The following EIF3E variants were observed in gnomAD, a reference collection of about 807,000 sequenced individuals.
The protein encoded by EIF3E is eukaryotic translation initiation factor 3 subunit E, also known as eIF-3 p48.
Under a neutral mutation model 59.3 loss-of-function variants are expected in EIF3E, and 25 were observed. The observed-to-expected ratio is 0.42, with a 90% confidence interval of 0.31 to 0.59. The LOEUF is 0.59. Ranked by LOEUF, EIF3E falls within the 20% of genes least tolerant of loss-of-function variation. The probability of loss-of-function intolerance (pLI) is 0.15; values close to 1 mark genes in which losing one functional copy is unlikely to be tolerated. For missense variants in EIF3E, 317 were observed against 534.3 expected, an observed-to-expected ratio of 0.59 and a Z score of 4.01; for synonymous variants, 176 against 170.2, an observed-to-expected ratio of 1.03 and a Z score of -0.26.
chr8:108,203,317 GA>G lies in EIF3E; in HGVS notation c.1164+83del, dbSNP rs1405924993. 1.1e-5 allele frequency: 15 copies of G among 1,331,720 alleles called. No homozygotes were observed. In the African/African-American group the frequency reaches 2.2e-4, roughly 20 times the overall value. The allele number at this position is 1,331,720 out of a possible 1,614,324, so 82.5% of individuals were successfully genotyped here. A position where few individuals can be genotyped will look rare whatever the true frequency, so the allele number is the denominator to read the frequency against. On this transcript the variant is annotated intron_variant, in intron 11 of 12. Transcript: ENST00000220849. ...ATTAAAACAAAATAAATTATTAAAGGAGGTAATAAAATGTCCTAGTTAAGAA... is the reference window on the plus strand; with the variant it reads ...ATTAAAACAAAATAAATTATTAAAGGGGTAATAAAATGTCCTAGTTAAGAA...
chr8:108,241,623 G>T (rs1045999221), intron 2 of EIF3E, among the ~76,000 whole-genome samples, 176 bp downstream of exon 2: 1 of 152,148 alleles, frequency 6.6e-6, no homozygotes, highest in Non-Finnish European at 1.5e-5. Flanking sequence ...CTTTCACAGG[G>T]AGAAAACAAT....
chr8:108,241,735 T>A, intron 2 of EIF3E, 64 bp downstream of exon 2: 1 of 992,928 alleles, frequency 1.0e-6, no homozygotes, highest in Non-Finnish European at 1.5e-6. Context: ...TTATAAATCA[T>A]AAAACTTTAA....
chr8:108,229,371 T>C, intron 5 of EIF3E, 176 bp from the exon 6 acceptor site: 2 of 529,204 alleles, frequency 3.8e-6, no homozygotes. Context: ...AAACCTTTGC[T>C]AAAAATACTC....
At position 108,236,200 on chromosome 8, in the gene EIF3E, A is replaced by T; in HGVS notation, c.327T>A (p.Asp109Glu). 1 of 1,609,012 alleles carries T rather than the reference A, an allele frequency of 6.2e-7. No homozygotes were observed. The highest frequency in any genetic ancestry group is 8.5e-7 in the Non-Finnish European group (1 of 1,177,984). ...ETTRQMQSTR[D>E]GRMLFDYLAD... Reference sequence around the variant, plus strand: ...CCAGGTAGTCAAAGAGCATCCTACCATCCCTAAATAATAAAAAACAAAAAT... The same window carrying T: ...CCAGGTAGTCAAAGAGCATCCTACCTTCCCTAAATAATAAAAAACAAAAAT... Residue 109 changes from aspartate to glutamate, a missense_variant, in exon 4 of 13, where the codon GAT (aspartate) becomes GAA (glutamate). Coordinates refer to ENST00000220849, the MANE Select transcript of EIF3E (RefSeq NM_001568.3).
chr8:108,247,258 C>T (rs769921281), intron 1 of EIF3E, among the ~76,000 whole-genome samples: 4 of 152,002 alleles, frequency 2.6e-5, no homozygotes, highest in Admixed American at 6.6e-5. Flanking sequence ...TTATAAAGAA[C>T]ACAAAAATAT....
chr8:108,229,136 G>C lies in EIF3E; in HGVS notation c.531C>G (p.Ile177Met). 1.2e-6 allele frequency: 2 copies of C among 1,613,506 alleles called. No individual in the cohort carries two copies. The highest frequency in any genetic ancestry group is 1.7e-6 in the Non-Finnish European group (2 of 1,179,702). Residue 177 changes from isoleucine to methionine, a missense_variant, in exon 6 of 13, where the codon ATC (isoleucine) becomes ATG (methionine). Coordinates refer to ENST00000220849, the MANE Select transcript of EIF3E (RefSeq NM_001568.3). ...SSLWGKLASE[I>M]LMQNWDAAME... ...TGGCTGCATCCCAATTCTGCATTAAGATTTCAGAGGCCAGCTTTCCCCAGA... is the reference window on the plus strand; with the variant it reads ...TGGCTGCATCCCAATTCTGCATTAACATTTCAGAGGCCAGCTTTCCCCAGA...
At chr8:108,203,591 G>T in intron 10 of EIF3E, 88 bp from the exon 11 acceptor site, 1 of 1,008,862 alleles carries the variant, frequency 9.9e-7, no homozygotes, top group Non-Finnish European at 1.5e-6. Context: ...ACTCTGCATA[G>T]ATACTTTTTG....
At position 108,214,594 on chromosome 8, in the gene EIF3E, A is replaced by T. The variant is rs769629413; in HGVS notation, c.1061+13T>A. The T allele has an allele frequency of 2.6e-6, 4 of 1,554,896 alleles. No individual in the cohort carries two copies. The highest frequency in any genetic ancestry group is 3.5e-6 in the Non-Finnish European group (4 of 1,150,792). ...TAAAGTAGAAAATCCAAATCAAATC[A>T]CGGTGTTCTTACTTAATGCTGATAC... On this transcript the variant is annotated intron_variant, in intron 10 of 12. Coordinates refer to ENST00000220849, the MANE Select transcript of EIF3E (RefSeq NM_001568.3).
chr8:108,243,619 ACT>A (rs554306416), intron 1 of EIF3E, among the ~76,000 whole-genome samples: 347 of 128,884 alleles, frequency 2.7e-3, no homozygotes, highest in Non-Finnish European at 3.5e-3. Context: ...ACAGAGCAAG[ACT>A]CTGTCTCAAA....
At chr8:108,224,138 C>T (rs1490011048) in intron 7 of EIF3E, among the ~76,000 whole-genome samples, 3 of 150,970 alleles carry the variant, frequency 2.0e-5, no homozygotes, top group Non-Finnish European at 2.9e-5. Context: ...AGGAGAATGG[C>T]GTGAACTCGG....
At chr8:108,248,421 T>A (rs963930233) in intron 1 of EIF3E, among the ~76,000 whole-genome samples, 192 bp downstream of exon 1, 1 of 152,106 alleles carries the variant, frequency 6.6e-6, no homozygotes, top group Non-Finnish European at 1.5e-5. Flanking sequence ...TCCCTCCTCC[T>A]CACTGCCGAA....
chr8:108,243,999 A>G (rs1815895606), intron 1 of EIF3E, among the ~76,000 whole-genome samples: 1 of 152,222 alleles, frequency 6.6e-6, no homozygotes, highest in African/African-American at 2.4e-5. Flanking sequence ...TCAAATCTAC[A>G]TATGCCTCTC....
In EIF3E at chr8:108,203,007, T is replaced by C. The variant is rs772938662; in HGVS notation, c.1275A>G (p.Lys425=). The change falls in exon 12 of 13, where the codon AAA becomes AAG. Residue 425 remains lysine, a synonymous_variant. Transcript: ENST00000220849. ...CCTCTGACCTGCTATTCTGATTAAG[T>C]TTCTTCTCAATATTCATGGCCAACA... is the stretch of plus-strand genomic sequence containing the variant. ...SQMLAMNIEK[K]LNQNSRSEAP... is the part of the protein sequence containing the mutation. The C allele has an allele frequency of 1.2e-6, 2 of 1,612,464 alleles. No individual in the cohort carries two copies. Among genetic ancestry groups the C allele is most frequent in the Non-Finnish European group, 1.7e-6 (2 of 1,178,950 alleles).
chr8:108,216,532 G>A lies in EIF3E; in HGVS notation c.850-19C>T, dbSNP rs758262797. 6.5e-6 allele frequency: 10 copies of A among 1,530,698 alleles called. No individual in the cohort carries two copies. Among genetic ancestry groups the A allele is most frequent in the Middle Eastern group, 1.7e-4 (1 of 5,904 alleles). 94.8% of individuals were successfully genotyped at this position (1,530,698 alleles called of 1,614,324 possible). On this transcript the variant is annotated intron_variant, in intron 8 of 12. Transcript: ENST00000220849. ...AAGACTCCTGTAAAAATAAGTCAACGGTCAAGGTAAGTCTGATTCAACATT... is the reference window on the plus strand; with the variant it reads ...AAGACTCCTGTAAAAATAAGTCAACAGTCAAGGTAAGTCTGATTCAACATT...
At chr8:108,206,699 A>G (rs184069699) in intron 10 of EIF3E, among the ~76,000 whole-genome samples, 22 of 152,184 alleles carry the variant, frequency 1.4e-4, no homozygotes, top group Admixed American at 3.9e-4. Flanking sequence ...GATACTCGAG[A>G]GGCTAAGGTG....
At chr8:108,228,227 T>A in intron 7 of EIF3E, 40 bp downstream of exon 7, 1 of 1,530,678 alleles carries the variant, frequency 6.5e-7, no homozygotes, top group Non-Finnish European at 8.8e-7. Flanking sequence ...CATGTAATTT[T>A]ATCTAAACAA....
intron 7 of EIF3E, 97 bp downstream of exon 7, chr8:108,228,170 A>G (rs991927182): frequency 5.2e-6 from 7 of 1,336,718 alleles, no homozygotes; most frequent in Admixed American, 5.3e-5. Flanking sequence ...ACAGGTGACA[A>G]CAAATTCAAA....
intron 5 of EIF3E, among the ~76,000 whole-genome samples, chr8:108,232,756 C>A (rs1490040519): frequency 6.6e-6 from 1 of 152,162 alleles, no homozygotes; most frequent in Non-Finnish European, 1.5e-5. Context: ...GCTCTTCATA[C>A]TAACCTGCTT....
In EIF3E at chr8:108,224,848, C is replaced by T. The variant is rs145213424; in HGVS notation, c.722+3419G>A. Among the ~76,000 whole-genome samples the T allele has an allele frequency of 5.3e-4, 80 of 151,684 alleles. 1 individual carries two copies. The East Asian group carries it at 0.013, about 26-fold the overall frequency. ...TTAGAGTAAATCAAAGCAGTGGCATCAAACTATACTAGCAGTCCCTATATT... is the reference window on the plus strand; with the variant it reads ...TTAGAGTAAATCAAAGCAGTGGCATTAAACTATACTAGCAGTCCCTATATT... On this transcript the variant is annotated intron_variant, in intron 7 of 12. Transcript: ENST00000220849.
Sources: allele counts gnomAD v4.1 joint callset (sites outside exome capture counted in the v4.1 genomes callset), GRCh38; gene constraint gnomAD v4.1.1; transcripts MANE v1.5; gene names NCBI Gene and HGNC (gene_info 2026-07-23, HGNC 2026-07-21).